FIRRM: variants seen among roughly 807,000 people sequenced by gnomAD.
The protein encoded by FIRRM is FIGNL1 interacting regulator of recombination and mitosis, also known as FIGNL1-interacting regulator of recombination and mitosis.
chr1:169,843,213 T>G, the FIRRM span, among the ~76,000 whole-genome samples: 5 of 152,340 alleles, frequency 3.3e-5, no homozygotes, highest in East Asian at 9.6e-4. Flanking sequence ...CTGCAGTGTT[T>G]TGGCTTCAAC....
chr1:169,792,492 G>C, the FIRRM span: 5 of 1,263,690 alleles, frequency 4.0e-6, no homozygotes, highest in Non-Finnish European at 5.3e-6. Context: ...CAAAATTTCA[G>C]AAAAAATAAT....
chr1:169,805,404 G>C, the FIRRM span, among the ~76,000 whole-genome samples: 4 of 152,220 alleles, frequency 2.6e-5, no homozygotes, highest in Non-Finnish European at 5.9e-5. Context: ...AGTGGTTTCA[G>C]GGTTTCTAAG....
the FIRRM span, chr1:169,830,371 G>T: frequency 6.3e-7 from 1 of 1,576,940 alleles, no homozygotes; most frequent in Non-Finnish European, 8.7e-7. Flanking sequence ...TTGTTCTTTG[G>T]ATTGGTTATT....
the FIRRM span, chr1:169,852,861 A>G: frequency 6.2e-7 from 1 of 1,614,142 alleles, no homozygotes; most frequent in African/African-American, 1.3e-5. Context: ...ATACAATAGC[A>G]GGGGCTTTGG....
the FIRRM span, among the ~76,000 whole-genome samples, chr1:169,823,001 C>G: frequency 3.3e-5 from 5 of 151,400 alleles, no homozygotes; most frequent in Admixed American, 1.3e-4. Flanking sequence ...CCTGTAATCC[C>G]AGCACTTTGG....
At chr1:169,842,454 C>A in the FIRRM span, 1 of 1,613,920 alleles carries the variant, frequency 6.2e-7, no homozygotes, top group South Asian at 1.1e-5. Flanking sequence ...GTATGTAATT[C>A]TGCTGGTGAA....
chr1:169,847,313 TAAAAAAAAAAAAA>T, the FIRRM span, among the ~76,000 whole-genome samples: 149 of 86,340 alleles, frequency 1.7e-3, no homozygotes, highest in African/African-American at 6.4e-3. Context: ...CTTATATTTC[TAAAAAAAAAAAAA>T]AAAAAAAAAA....
the FIRRM span, chr1:169,800,834 GT>G: frequency 2.2e-6 from 2 of 907,750 alleles, no homozygotes; most frequent in East Asian, 5.6e-5. Flanking sequence ...AGTGGCCTTT[GT>G]TGACTGACAT....
At chr1:169,851,563 G>A in the FIRRM span, 3 of 477,460 alleles carry the variant, frequency 6.3e-6, no homozygotes, top group Non-Finnish European at 1.1e-5. Context: ...CAGTTTCTTA[G>A]CTTATACAGT....
At chr1:169,838,984 A>C in the FIRRM span, among the ~76,000 whole-genome samples, 3 of 152,024 alleles carry the variant, frequency 2.0e-5, no homozygotes, top group African/African-American at 4.8e-5. Context: ...CTTTATGTCC[A>C]TGAGTGCCCA....
the FIRRM span, chr1:169,795,089 T>A: frequency 6.5e-7 from 1 of 1,533,458 alleles, no homozygotes; most frequent in Non-Finnish European, 8.7e-7. Context: ...GAAGCTCTCC[T>A]GTTTGACGAA....
At chr1:169,808,611 T>G in the FIRRM span, among the ~76,000 whole-genome samples, 3 of 151,260 alleles carry the variant, frequency 2.0e-5, no homozygotes, top group Non-Finnish European at 4.4e-5. Context: ...GTCATTTGTT[T>G]TTTTTTTTTT....
the FIRRM span, among the ~76,000 whole-genome samples, chr1:169,788,148 T>C: frequency 6.6e-6 from 1 of 152,210 alleles, no homozygotes; most frequent in Admixed American, 6.5e-5. Context: ...ACTAAGTACA[T>C]GCAATTCTAT....
chr1:169,798,278 C>CTT, the FIRRM span, among the ~76,000 whole-genome samples: 19 of 141,770 alleles, frequency 1.3e-4, 1 homozygote, highest in Non-Finnish European at 2.0e-4. Context: ...GACCGTCTCT[C>CTT]TTTTTTTTTT....
At chr1:169,843,875 T>G in the FIRRM span, 13 of 679,748 alleles carry the variant, frequency 1.9e-5, no homozygotes, top group East Asian at 3.0e-4. Flanking sequence ...CTCCTCTTGT[T>G]GTGTCATATA....
the FIRRM span, among the ~76,000 whole-genome samples, chr1:169,815,190 G>T: frequency 6.6e-6 from 1 of 151,614 alleles, no homozygotes; most frequent in Non-Finnish European, 1.5e-5. Flanking sequence ...CAGCTACTCC[G>T]GAGGCTGAGG....
chr1:169,788,214 A>G, the FIRRM span, among the ~76,000 whole-genome samples: 1 of 152,170 alleles, frequency 6.6e-6, no homozygotes, highest in Non-Finnish European at 1.5e-5. Flanking sequence ...TTTGAATTGC[A>G]TGGTCAGTTA....
At chr1:169,800,891 A>G in the FIRRM span, 1 of 1,563,260 alleles carries the variant, frequency 6.4e-7, no homozygotes, top group South Asian at 1.2e-5. Context: ...AGAAATTTTG[A>G]AAATTATTGT....
At chr1:169,792,431 G>C in the FIRRM span, 3 of 671,052 alleles carry the variant, frequency 4.5e-6, no homozygotes, top group Admixed American at 3.6e-5. Flanking sequence ...GTAAAAGACT[G>C]GTAACATAGC....
Sources: gnomAD v4.1 joint callset for allele counts (sites outside exome capture counted in the v4.1 genomes callset) on GRCh38, gnomAD v4.1.1 for gene constraint, MANE v1.5 for transcripts, NCBI Gene and HGNC (gene_info 2026-07-23, HGNC 2026-07-21) for gene names.